Variants in SLC31A1 observed in about 807,000 individuals in gnomAD.
SLC31A1 encodes high affinity copper uptake protein 1.
A neutral mutation model predicts 17.2 loss-of-function variants in SLC31A1; 5 were observed. That is an observed-to-expected ratio of 0.29 (90% CI 0.15 to 0.61). The LOEUF (loss-of-function observed/expected upper bound fraction) is 0.61. SLC31A1 is among the 20% of genes least tolerant of loss of function. SLC31A1 has a pLI of 0.86. For synonymous variants in SLC31A1, 76 were observed against 78.8 expected (o/e 0.96, Z 0.19); for missense variants, 161 against 241.4 (o/e 0.67, Z 2.21).
chr9:113,254,994 T>A (rs1469888950), intron 1 of SLC31A1, among the ~76,000 whole-genome samples: 2 of 152,222 alleles, frequency 1.3e-5, no homozygotes, highest in Non-Finnish European at 1.5e-5. Flanking sequence ...GATACAAGGC[T>A]GAATTTGCAG....
intron 1 of SLC31A1, among the ~76,000 whole-genome samples, chr9:113,250,687 ACTT>A (rs1831640819): frequency 6.6e-6 from 1 of 150,412 alleles, no homozygotes; most frequent in African/African-American, 2.5e-5. Context: ...AAAAAAAAAA[ACTT>A]CAAAAAAAAA....
At chr9:113,253,494 T>C (rs1187577460) in intron 1 of SLC31A1, among the ~76,000 whole-genome samples, 1 of 152,080 alleles carries the variant, frequency 6.6e-6, no homozygotes, top group Non-Finnish European at 1.5e-5. Context: ...TTTTTATACC[T>C]CTGATGTAAT....
rs1331816949 is a variant in SLC31A1 at position 113,260,626 on chromosome 9, A to C, written c.*153A>C. The C allele has an allele frequency of 3.0e-6, 2 of 677,432 alleles. No homozygotes were observed. Among genetic ancestry groups the C allele is most frequent in the Non-Finnish European group, 5.2e-6 (2 of 385,930 alleles). The allele number at this position is 677,432 out of a possible 1,614,324, so 42.0% of individuals were successfully genotyped here. On this transcript the variant is annotated 3_prime_UTR_variant, in exon 5 of 5. Transcript: ENST00000374212. Reference sequence around the variant, plus strand: ...ACACACACACACCCCTGCTCAACAGAGGTTTAGTTTACAGTCTCTGAACTA... The same window carrying C: ...ACACACACACACCCCTGCTCAACAGCGGTTTAGTTTACAGTCTCTGAACTA...
chr9:113,244,641 A>G (rs1173696429), intron 1 of SLC31A1, among the ~76,000 whole-genome samples: 2 of 152,238 alleles, frequency 1.3e-5, no homozygotes, highest in African/African-American at 4.8e-5. Context: ...GCAAGTAAGA[A>G]TTTATTATAG....
chr9:113,238,618 C>T (rs377030922), intron 1 of SLC31A1, among the ~76,000 whole-genome samples: 6 of 152,202 alleles, frequency 3.9e-5, no homozygotes, highest in East Asian at 1.9e-4. Flanking sequence ...AAAAAGTAGC[C>T]GGGTATGGTG....
chr9:113,227,782 A>T (rs1236574854), intron 1 of SLC31A1: 2 of 152,266 alleles, frequency 1.3e-5, no homozygotes, highest in African/African-American at 4.8e-5. Flanking sequence ...CAAAGTTTAG[A>T]CAAGGAGGAC....
intron 2 of SLC31A1, 21 bp from the exon 3 acceptor site, chr9:113,257,092 C>G: frequency 1.9e-6 from 3 of 1,604,906 alleles, no homozygotes; most frequent in Non-Finnish European, 2.6e-6. Context: ...CTCTAACTGA[C>G]TTGTTTTGGT....
Position 113,258,802 on chromosome 9 carries a change from A to G in SLC31A1, c.311A>G (p.Asn104Ser). ...AAGTCACAAGTCAGCATTCGCTACA[A>G]TTCCATGCCTGTCCCAGGACCAAAT... ...LRKSQVSIRYNSMPVPGPNGT... is the reference protein window; with the variant it reads ...LRKSQVSIRYSSMPVPGPNGT... The change falls in exon 4 of 5, where the codon AAT becomes AGT. Residue 104 changes from asparagine to serine, a missense_variant. Physicochemically the swap from Asn to Ser is conservative, Grantham distance 46 (BLOSUM62 1). Coordinates refer to ENST00000374212, the MANE Select transcript of SLC31A1 (RefSeq NM_001859.4). The surrounding 1 kb of genome is among the most constrained non-coding windows in gnomAD (Gnocchi z 4.8). 1.2e-6 allele frequency: 2 copies of G among 1,614,252 alleles called. No homozygotes were observed. The highest frequency in any genetic ancestry group is 1.7e-6 in the Non-Finnish European group (2 of 1,180,042).
rs568016479 is a variant in SLC31A1, at chr9:113,238,897, A to C, written c.-35-17217A>C. ...TGAAGGTGTATAGTATAGATTATGT[A>C]GTCTATTAAACACTTGCTGTGTGTC... On this transcript the variant is annotated intron_variant, in intron 1 of 4. Coordinates refer to ENST00000374212, the MANE Select transcript of SLC31A1 (RefSeq NM_001859.4). Among the ~76,000 whole-genome samples, 6 of 152,374 alleles carry C rather than the reference A, an allele frequency of 3.9e-5. No individual in the cohort carries two copies. The South Asian group carries it at 1.0e-3, about 26-fold the overall frequency.
intron 2 of SLC31A1, 140 bp from the exon 3 acceptor site, chr9:113,256,973 G>T: frequency 1.4e-6 from 1 of 724,836 alleles, no homozygotes; most frequent in Non-Finnish European, 2.5e-6. Context: ...ACGCTAACAT[G>T]AGGGCAAAAG....
chr9:113,229,029 A>AGAGATG (rs1459485324), intron 1 of SLC31A1, among the ~76,000 whole-genome samples: 1 of 152,096 alleles, frequency 6.6e-6, no homozygotes, highest in Non-Finnish European at 1.5e-5. Context: ...TATTTTTAGT[A>AGAGATG]GAGATGGCGT....
At chr9:113,222,025 C>A (rs1268712790) in intron 1 of SLC31A1, among the ~76,000 whole-genome samples, 2 of 152,204 alleles carry the variant, frequency 1.3e-5, no homozygotes, top group Non-Finnish European at 2.9e-5. Flanking sequence ...GACGAAGGAA[C>A]TAAGCACCCG....
chr9:113,228,729 G>A (rs1486265669), intron 1 of SLC31A1, among the ~76,000 whole-genome samples: 2 of 152,214 alleles, frequency 1.3e-5, no homozygotes, highest in South Asian at 2.1e-4. Flanking sequence ...GTGTTATGGA[G>A]CCTTCTATCA....
At chr9:113,232,185 T>C (rs985019406) in intron 1 of SLC31A1, among the ~76,000 whole-genome samples, 6 of 152,242 alleles carry the variant, frequency 3.9e-5, no homozygotes, top group African/African-American at 1.4e-4. Context: ...TTCTATGTTA[T>C]AGCTTAGAAT....
intron 1 of SLC31A1, among the ~76,000 whole-genome samples, chr9:113,236,709 A>C (rs1321813071): frequency 6.6e-6 from 1 of 152,250 alleles, no homozygotes; most frequent in African/African-American, 2.4e-5. Flanking sequence ...AGACCGAAAT[A>C]GGCTCTAAAG....
chr9:113,235,026 A>G (rs1468701571), intron 1 of SLC31A1, among the ~76,000 whole-genome samples: 1 of 152,212 alleles, frequency 6.6e-6, no homozygotes, highest in African/African-American at 2.4e-5. Flanking sequence ...TCGTTCATCT[A>G]AAGACACAAT....
In SLC31A1 at chr9:113,260,446, A is replaced by G. The variant is rs376037669; in HGVS notation, c.546A>G (p.Val182=). 9.9e-6 allele frequency: 16 copies of G among 1,614,048 alleles called. No individual in the cohort carries two copies. In the African/African-American group the frequency reaches 2.1e-4, roughly 22 times the overall value. ...TCTTCAGCTGGAAGAAGGCAGTGGT[A>G]GTGGATATCACAGAGCATTGCCATT... ...YFLFSWKKAV[V]VDITEHCH The change falls in exon 5 of 5, where the codon GTA becomes GTG. Residue 182 remains valine, a synonymous_variant. Transcript: ENST00000374212.
At chr9:113,235,505 A>G (rs1019203481) in intron 1 of SLC31A1, among the ~76,000 whole-genome samples, 12 of 152,254 alleles carry the variant, frequency 7.9e-5, no homozygotes, top group African/African-American at 2.9e-4. Context: ...TACACACAAT[A>G]TGGATGAACC....
chr9:113,234,480 ATTTTTTTTTTTT>A (rs869088669), intron 1 of SLC31A1, among the ~76,000 whole-genome samples: 2 of 60,230 alleles, frequency 3.3e-5, no homozygotes, highest in African/African-American at 7.1e-5. Flanking sequence ...CCTGGCCATC[ATTTTTTTTTTTT>A]TTTTTTTTTT....
Sources: allele counts gnomAD v4.1 joint callset (sites outside exome capture counted in the v4.1 genomes callset), GRCh38; gene constraint gnomAD v4.1.1; non-coding constraint Gnocchi (gnomAD v3.1); transcripts MANE v1.5; gene names NCBI Gene and HGNC (gene_info 2026-07-23, HGNC 2026-07-21).